LARP4B: variants seen among roughly 807,000 people sequenced by gnomAD.
LARP4B encodes La ribonucleoprotein 4B, also known as la-related protein 4B.
LARP4B carries 12 observed loss-of-function variants against 89.8 expected under a neutral mutation model. The ratio of observed to expected loss-of-function variants is 0.13; its 90% confidence interval spans 0.09 to 0.22. LARP4B has a LOEUF of 0.22. Ranked by LOEUF, LARP4B falls within the 10% of genes least tolerant of loss-of-function variation. The pLI, the probability that LARP4B is intolerant of heterozygous loss-of-function variation, is 1.00. For synonymous variants in LARP4B, 367 were observed against 363.3 expected (o/e 1.01, Z -0.12); for missense variants, 757 against 947.7 (o/e 0.80, Z 2.64).
chr10:895,137 G>C (rs1836147532), intron 1 of LARP4B, among the ~76,000 whole-genome samples: 1 of 152,096 alleles, frequency 6.6e-6, no homozygotes. Context: ...AGTGAGCCAA[G>C]ATCGCGCCAC....
chr10:874,107 G>A (rs909908728), intron 3 of LARP4B, among the ~76,000 whole-genome samples: 1 of 152,090 alleles, frequency 6.6e-6, no homozygotes, highest in Non-Finnish European at 1.5e-5. Context: ...GGGAGTGTGT[G>A]CCTGTAGTTC....
chr10:926,506 C>G (rs2132060971), intron 1 of LARP4B, among the ~76,000 whole-genome samples: 1 of 152,276 alleles, frequency 6.6e-6, no homozygotes, highest in African/African-American at 2.4e-5. Context: ...GAAGTGGAAG[C>G]ACACACAGGG....
chr10:825,786 T>C lies in LARP4B; in HGVS notation c.1210A>G (p.Arg404Gly), dbSNP rs2131638587. The C allele has an allele frequency of 6.2e-7, 1 of 1,613,796 alleles. No individual in the cohort carries two copies. The highest frequency in any genetic ancestry group is 2.2e-5 in the East Asian group (1 of 44,884). Reference sequence around the variant, plus strand: ...TGCCTGCTTCGAGGAGGATACTGTCTGAGAGAAGTCAGAGGAGACGCCGCA... The same window carrying C: ...TGCCTGCTTCGAGGAGGATACTGTCCGAGAGAAGTCAGAGGAGACGCCGCA... ...KPAASPLTSLRQYPPRSRNPS... is the reference protein window; with the variant it reads ...KPAASPLTSLGQYPPRSRNPS... Residue 404 changes from arginine (R) to glycine (G), a missense_variant, in exon 12 of 18, where the codon AGA becomes GGA. Physicochemically the swap from Arg to Gly is moderately radical, Grantham distance 125. Transcript: ENST00000316157.
chr10:861,059 G>A (rs1210519091), intron 5 of LARP4B, among the ~76,000 whole-genome samples: 2 of 152,186 alleles, frequency 1.3e-5, no homozygotes, highest in Non-Finnish European at 2.9e-5. Context: ...GGGAGGCTGA[G>A]GCAGGAGAAT....
intron 1 of LARP4B, among the ~76,000 whole-genome samples, chr10:903,007 T>C (rs1472919230): frequency 6.6e-6 from 1 of 152,248 alleles, no homozygotes; most frequent in Non-Finnish European, 1.5e-5. Context: ...TTTTGTCTAG[T>C]CTGTTTAGAA....
intron 5 of LARP4B, among the ~76,000 whole-genome samples, chr10:848,247 C>T (rs1307018621): frequency 6.6e-6 from 1 of 152,198 alleles, no homozygotes; most frequent in Non-Finnish European, 1.5e-5. Context: ...GTCCCACTCA[C>T]ACCTAACATC....
chr10:945,289 C>T, the LARP4B span, among the ~76,000 whole-genome samples: 5 of 151,336 alleles, frequency 3.3e-5, no homozygotes, highest in African/African-American at 1.2e-4. Flanking sequence ...GAGGCTGAGG[C>T]ATGAGAATCA....
chr10:889,570 T>C lies in LARP4B; in HGVS notation c.-39-3810A>G, dbSNP rs977551259. On this transcript the variant is annotated intron_variant, in intron 1 of 17. Transcript: ENST00000316157. Reference sequence around the variant, plus strand: ...TCTTTCTCATCATGTTGAAATGACATTGAAAGAAATGATGTTTTTCAAAGT... The same window carrying C: ...TCTTTCTCATCATGTTGAAATGACACTGAAAGAAATGATGTTTTTCAAAGT... 3.9e-5 allele frequency among the ~76,000 whole-genome samples: 6 copies of C among 152,200 alleles called. No homozygotes were observed. The South Asian group carries it at 8.3e-4, about 21-fold the overall frequency.
At chr10:914,711 C>T (rs1298697823) in intron 1 of LARP4B, among the ~76,000 whole-genome samples, 1 of 149,490 alleles carries the variant, frequency 6.7e-6, no homozygotes, top group Non-Finnish European at 1.5e-5. Context: ...AAGAGAATTG[C>T]TTGAACCGAG....
the LARP4B span, among the ~76,000 whole-genome samples, chr10:946,809 T>A: frequency 0.23 from 34,805 of 152,016 alleles, 4,650 homozygotes; most frequent in African/African-American, 0.38. Context: ...CATTCAGTGA[T>A]GAGAACTTAA....
At chr10:964,604 C>T in the LARP4B span, among the ~76,000 whole-genome samples, 15 of 152,216 alleles carry the variant, frequency 9.9e-5, no homozygotes, top group East Asian at 2.3e-3. Flanking sequence ...ACATGTCAGA[C>T]GTCAGAGGCC....
upstream of LARP4B, chr10:933,111 A>T (rs1830700843): frequency 6.6e-6 from 1 of 152,202 alleles, no homozygotes; most frequent in Admixed American, 6.6e-5. Context: ...AGGAAACCAA[A>T]CAAAGTATGT....
At chr10:908,926 A>C (rs896418932) in intron 1 of LARP4B, among the ~76,000 whole-genome samples, 6 of 152,168 alleles carry the variant, frequency 3.9e-5, no homozygotes, top group Non-Finnish European at 7.3e-5. Context: ...GGGACACCTG[A>C]AACAGATAGC....
At chr10:807,597 G>A (rs1375019725), downstream of LARP4B, 1 of 152,368 alleles carries the variant, frequency 6.6e-6, no homozygotes, top group Non-Finnish European at 1.5e-5. Flanking sequence ...CCTGCAGGGA[G>A]GCCCAGCCTG....
At chr10:908,045 A>G (rs1466785845) in intron 1 of LARP4B, among the ~76,000 whole-genome samples, 1 of 152,170 alleles carries the variant, frequency 6.6e-6, no homozygotes, top group Non-Finnish European at 1.5e-5. Context: ...ATCTCTACTA[A>G]AAATACAAAA....
At chr10:835,922 G>C (rs994636090) in intron 8 of LARP4B, among the ~76,000 whole-genome samples, 1 of 148,720 alleles carries the variant, frequency 6.7e-6, no homozygotes, top group Non-Finnish European at 1.5e-5. Flanking sequence ...AACAGAGCAA[G>C]ACTCCATCTC....
chr10:841,078 C>G (rs900468678), intron 7 of LARP4B, among the ~76,000 whole-genome samples: 8 of 152,176 alleles, frequency 5.3e-5, no homozygotes, highest in African/African-American at 1.9e-4. Context: ...TGCTTCAACA[C>G]AGGAGGCAGA....
rs1184152342 is a variant in LARP4B at position 874,532 on chromosome 10, C to T, written c.141+9915G>A. Among the ~76,000 whole-genome samples, 5 of 152,184 alleles carry T rather than the reference C, an allele frequency of 3.3e-5. No homozygotes were observed. The East Asian group carries it at 9.6e-4, about 29-fold the overall frequency. On this transcript the variant is annotated intron_variant, in intron 3 of 17. Transcript: ENST00000316157. ...TGCTCATGTACTATGTGGTCCAGTC[C>T]CTAACTGTGGACTCACATAATGGGT...
At chr10:920,385 T>C (rs181167500) in intron 1 of LARP4B, among the ~76,000 whole-genome samples, 60 of 152,366 alleles carry the variant, frequency 3.9e-4, no homozygotes, top group African/African-American at 1.3e-3. Context: ...CAAATCTCAG[T>C]TGACAAAATA....
Sources: gnomAD v4.1 joint callset for allele counts (sites outside exome capture counted in the v4.1 genomes callset) on GRCh38, gnomAD v4.1.1 for gene constraint, MANE v1.5 for transcripts, NCBI Gene and HGNC (gene_info 2026-07-23, HGNC 2026-07-21) for gene names.